PIP4K2A: variants seen among roughly 807,000 people sequenced by gnomAD.
The protein encoded by PIP4K2A is phosphatidylinositol 5-phosphate 4-kinase type-2 alpha.
Under a neutral mutation model 42.9 loss-of-function variants are expected in PIP4K2A, and 14 were observed. That is an observed-to-expected ratio of 0.33 (90% CI 0.22 to 0.51). The LOEUF is 0.51. Ranked by LOEUF, PIP4K2A falls within the 20% of genes least tolerant of loss-of-function variation. PIP4K2A has a pLI of 0.97. For missense variants in PIP4K2A, 434 were observed against 519.8 expected, an observed-to-expected ratio of 0.83 and a Z score of 1.61; for synonymous variants, 192 against 192.2, an observed-to-expected ratio of 1.00 and a Z score of 0.01.
chr10:22,627,591 TAAAAAAA>T (rs57671642), intron 1 of PIP4K2A, among the ~76,000 whole-genome samples: 6 of 57,024 alleles, frequency 1.1e-4, no homozygotes, highest in East Asian at 9.6e-4. Flanking sequence ...TAATATGTAA[TAAAAAAA>T]AAAAAAAAAA....
chr10:22,696,694 C>T (rs1839979728), intron 1 of PIP4K2A, among the ~76,000 whole-genome samples: 1 of 152,072 alleles, frequency 6.6e-6, no homozygotes, highest in African/African-American at 2.4e-5. Flanking sequence ...TGAAAAGTCA[C>T]CTACTTCCTA....
At chr10:22,547,467 G>T (rs74123082) in intron 7 of PIP4K2A, among the ~76,000 whole-genome samples, 1 of 152,140 alleles carries the variant, frequency 6.6e-6, no homozygotes, top group South Asian at 2.1e-4. Context: ...CTAGGGTAGG[G>T]GCAGGACCAC....
At chr10:22,646,654 A>C (rs1179778306) in intron 1 of PIP4K2A, among the ~76,000 whole-genome samples, 1 of 152,210 alleles carries the variant, frequency 6.6e-6, no homozygotes, top group African/African-American at 2.4e-5. Context: ...CACAGTATAC[A>C]ACCTGCGTTT....
intron 5 of PIP4K2A, among the ~76,000 whole-genome samples, chr10:22,572,562 G>A (rs945848084): frequency 2.0e-5 from 3 of 151,702 alleles, no homozygotes; most frequent in Admixed American, 6.6e-5. Flanking sequence ...CCAAGATTGA[G>A]CCACTGCGCT....
chr10:22,597,728 A>T (rs1051226569), intron 3 of PIP4K2A, among the ~76,000 whole-genome samples: 2 of 152,160 alleles, frequency 1.3e-5, no homozygotes, highest in African/African-American at 4.8e-5. Flanking sequence ...GGAAAAAAAA[A>T]AAGCCTAGCA....
At chr10:22,655,698 T>C (rs896793533) in intron 1 of PIP4K2A, among the ~76,000 whole-genome samples, 1 of 152,238 alleles carries the variant, frequency 6.6e-6, no homozygotes, top group Non-Finnish European at 1.5e-5. Flanking sequence ...AACAACTATT[T>C]ATTAAAATGT....
chr10:22,571,224 T>C (rs1004097008), intron 5 of PIP4K2A, among the ~76,000 whole-genome samples: 1 of 152,232 alleles, frequency 6.6e-6, no homozygotes, highest in Non-Finnish European at 1.5e-5. Context: ...TATGTTTATT[T>C]AGATCTGGGC....
chr10:22,622,907 T>C (rs535203100), intron 1 of PIP4K2A, among the ~76,000 whole-genome samples: 1 of 152,288 alleles, frequency 6.6e-6, no homozygotes, highest in East Asian at 1.9e-4. Context: ...AAAAAAAGTA[T>C]GCATTATTTC....
Position 22,541,691 on chromosome 10 carries a change from G to A in PIP4K2A, c.1036+113C>T, listed in dbSNP as rs1428831364. On this transcript the variant is annotated intron_variant, in intron 8 of 9. Transcript: ENST00000376573. ...AAATCCATTTCTTTGGAGTTTGGAG[G>A]ATGAGTGCTGCCGGGCAGCACCCTC... The A allele has an allele frequency of 5.9e-6, 7 of 1,195,186 alleles. No homozygotes were observed. In the East Asian group the frequency reaches 1.0e-4, roughly 17 times the overall value. The allele number at this position is 1,195,186 out of a possible 1,614,324, so 74.0% of individuals were successfully genotyped here.
chr10:22,602,689 C>T (rs1054957023), intron 3 of PIP4K2A, among the ~76,000 whole-genome samples: 10 of 152,136 alleles, frequency 6.6e-5, no homozygotes, highest in African/African-American at 2.4e-4. Context: ...CCCTCACTCT[C>T]TTTCACAAGT....
At chr10:22,582,076 T>C (rs1384563275) in intron 4 of PIP4K2A, among the ~76,000 whole-genome samples, 1 of 151,828 alleles carries the variant, frequency 6.6e-6, no homozygotes, top group Admixed American at 6.6e-5. Flanking sequence ...TACTCCAGCC[T>C]GGGTTACAGA....
chr10:22,657,081 C>T (rs969418688), intron 1 of PIP4K2A, among the ~76,000 whole-genome samples: 1 of 152,164 alleles, frequency 6.6e-6, no homozygotes, highest in African/African-American at 2.4e-5. Context: ...GCTCTAGGGC[C>T]ATATTTTATT....
At chr10:22,637,822 T>A (rs1027629742) in intron 1 of PIP4K2A, among the ~76,000 whole-genome samples, 1 of 152,190 alleles carries the variant, frequency 6.6e-6, no homozygotes, top group African/African-American at 2.4e-5. Context: ...TTGATGCCCA[T>A]CAAGCTGGAC....
intron 3 of PIP4K2A, among the ~76,000 whole-genome samples, chr10:22,603,186 A>C (rs1390787075): frequency 6.6e-6 from 1 of 152,224 alleles, no homozygotes; most frequent in Non-Finnish European, 1.5e-5. Context: ...AAAGGGCATC[A>C]GATGTCAATA....
chr10:22,641,190 C>T lies in PIP4K2A; in HGVS notation c.145-31473G>A, dbSNP rs191564283. On this transcript the variant is annotated intron_variant, in intron 1 of 9. Coordinates refer to ENST00000376573, the MANE Select transcript of PIP4K2A (RefSeq NM_005028.5). ...TACTCTGGAGACCACCTAATCTAAC[C>T]CCCTCATTTTATAAATGAAGAGACT... is the stretch of plus-strand genomic sequence containing the variant. Among the ~76,000 whole-genome samples the T allele has an allele frequency of 1.4e-4, 21 of 152,206 alleles. No individual in the cohort carries two copies. The East Asian group carries it at 3.9e-3, about 28-fold the overall frequency.
rs760225095 is a variant in PIP4K2A, at chr10:22,646,933, A to AAAAAC, written c.145-37221_145-37217dup. On this transcript the variant is annotated intron_variant, in intron 1 of 9. Transcript: ENST00000376573. ...AAACTCTTCAAGACAAAACAAAACA[A>AAAAAC]AAAACAAAACAAAACAAAACAAAAC... Among the ~76,000 whole-genome samples, 495 of 82,472 alleles carry AAAAAC rather than the reference A, an allele frequency of 6.0e-3. 1 individual carries two copies. The highest frequency in any genetic ancestry group is 0.021 in the East Asian group (104 of 4,868). The allele number at this position is 82,472 out of a possible 152,430, so 54.1% of individuals were successfully genotyped here.
At chr10:22,570,180 T>C (rs1372497298) in intron 5 of PIP4K2A, among the ~76,000 whole-genome samples, 1 of 152,196 alleles carries the variant, frequency 6.6e-6, no homozygotes, top group Non-Finnish European at 1.5e-5. Context: ...AACTCCCATA[T>C]GCCATGCCTC....
At chr10:22,673,660 T>A (rs891053668) in intron 1 of PIP4K2A, among the ~76,000 whole-genome samples, 12 of 151,790 alleles carry the variant, frequency 7.9e-5, no homozygotes, top group Non-Finnish European at 1.5e-4. Flanking sequence ...ATAAAAAAAA[T>A]AAAAATCCCA....
At chr10:22,659,295 G>A (rs1204805743) in intron 1 of PIP4K2A, among the ~76,000 whole-genome samples, 1 of 152,160 alleles carries the variant, frequency 6.6e-6, no homozygotes, top group Non-Finnish European at 1.5e-5. Context: ...AAGGACTACA[G>A]ACAAAAGGCT....
Sources: gnomAD v4.1 joint callset for allele counts (sites outside exome capture counted in the v4.1 genomes callset) on GRCh38, gnomAD v4.1.1 for gene constraint, MANE v1.5 for transcripts, NCBI Gene and HGNC (gene_info 2026-07-23, HGNC 2026-07-21) for gene names.